PIBF1: variants seen among roughly 807,000 people sequenced by gnomAD.
PIBF1 encodes progesterone-induced-blocking factor 1.
A neutral mutation model predicts 112.5 loss-of-function variants in PIBF1; 90 were observed. That is an observed-to-expected ratio of 0.80 (90% CI 0.67 to 0.95). The LOEUF is 0.95. Among genes scored for constraint, PIBF1 ranks in the 40% least tolerant of loss-of-function variants. PIBF1 has a pLI of 0.00. For missense variants in PIBF1, 915 were observed against 852.3 expected (o/e 1.07, Z -0.92); for synonymous variants, 301 against 288.6 (o/e 1.04, Z -0.44).
intron 11 of PIBF1, chr13:72,901,043 A>G (rs773787292): frequency 1.1e-5 from 5 of 439,830 alleles, no homozygotes; most frequent in South Asian, 1.6e-5. Context: ...GCAAAAAACA[A>G]ACAAACAAAC....
At chr13:73,001,956 A>G (rs1160941882) in intron 17 of PIBF1, among the ~76,000 whole-genome samples, 1 of 151,998 alleles carries the variant, frequency 6.6e-6, no homozygotes. Context: ...ATATGTATAC[A>G]AATGTTTTAC....
rs113184664 is a variant in PIBF1, at chr13:72,831,570, C to T, written c.1097+3656C>T. ...GTTGTTCATTTTCCATGTAGTTGTACGCTTCTGAGTGAGTTTATTAATCCT... is the reference window on the plus strand; with the variant it reads ...GTTGTTCATTTTCCATGTAGTTGTATGCTTCTGAGTGAGTTTATTAATCCT... On this transcript the variant is annotated intron_variant, in intron 8 of 17. Coordinates refer to ENST00000326291, the MANE Select transcript of PIBF1 (RefSeq NM_006346.4). Among the ~76,000 whole-genome samples, 974 of 152,222 alleles carry T rather than the reference C, an allele frequency of 6.4e-3. 19 individuals are homozygous for T. The highest frequency in any genetic ancestry group is 0.022 in the African/African-American group (905 of 41,536).
chr13:72,908,577 G>C lies in PIBF1; in HGVS notation c.1535G>C (p.Arg512Pro). Residue 512 changes from arginine to proline, a missense_variant, in exon 12 of 18, where the codon CGC becomes CCC. Physicochemically the swap from Arg to Pro is moderately radical, Grantham distance 103. Coordinates refer to ENST00000326291, the MANE Select transcript of PIBF1 (RefSeq NM_006346.4). Reference sequence around the variant, plus strand: ...AGTCTCCAAGCCTCTTCTGAAAAACGCATTACTGAACTTCAAGCACAGAAC... The same window carrying C: ...AGTCTCCAAGCCTCTTCTGAAAAACCCATTACTGAACTTCAAGCACAGAAC... ...FYSLQASSEKRITELQAQNSE... is the reference protein window; with the variant it reads ...FYSLQASSEKPITELQAQNSE... 1.2e-6 allele frequency: 2 copies of C among 1,612,128 alleles called. No homozygotes were observed. Among genetic ancestry groups the C allele is most frequent in the Non-Finnish European group, 1.7e-6 (2 of 1,178,630 alleles).
At chr13:72,925,345 G>C (rs1018949842) in intron 13 of PIBF1, among the ~76,000 whole-genome samples, 30 of 152,046 alleles carry the variant, frequency 2.0e-4, no homozygotes, top group Admixed American at 2.0e-3. Flanking sequence ...AGAAACAGGA[G>C]ATATGAATGA....
At chr13:72,839,129 T>C (rs1390626601) in intron 9 of PIBF1, among the ~76,000 whole-genome samples, 1 of 152,204 alleles carries the variant, frequency 6.6e-6, no homozygotes, top group African/African-American at 2.4e-5. Context: ...TGGAATGGCA[T>C]AAGCCTGTTA....
At chr13:72,961,507 T>C (rs1251757377) in intron 14 of PIBF1, among the ~76,000 whole-genome samples, 1 of 152,206 alleles carries the variant, frequency 6.6e-6, no homozygotes, top group African/African-American at 2.4e-5. Context: ...AGTAAATCTT[T>C]AATGGAACTT....
intron 12 of PIBF1, among the ~76,000 whole-genome samples, chr13:72,909,195 A>T (rs1401274020): frequency 6.6e-6 from 1 of 152,212 alleles, no homozygotes; most frequent in African/African-American, 2.4e-5. Flanking sequence ...GTTAAATATG[A>T]TAGCTTTTAT....
chr13:72,872,397 T>C (rs1282332612), intron 10 of PIBF1, among the ~76,000 whole-genome samples: 1 of 152,150 alleles, frequency 6.6e-6, no homozygotes, highest in Admixed American at 6.5e-5. Flanking sequence ...TTAGGAATTG[T>C]ACTTGAAATG....
rs867989265 is a variant in PIBF1, at chr13:72,931,718, G to A, written c.1833+451G>A. ...CTTAGCCTTATGTCATTTAAACTAC[G>A]TATATATATATATATATATATATAT... On this transcript the variant is annotated intron_variant, in intron 14 of 17. Transcript: ENST00000326291. Among the ~76,000 whole-genome samples the A allele has an allele frequency of 1.0e-3, 104 of 101,948 alleles. 1 individual carries two copies. Among genetic ancestry groups the A allele is most frequent in the East Asian group, 4.1e-3 (10 of 2,454 alleles). 66.9% of individuals were successfully genotyped at this position (101,948 alleles called of 152,430 possible).
chr13:72,866,189 C>CA (rs1434226468), intron 10 of PIBF1, among the ~76,000 whole-genome samples: 1 of 152,128 alleles, frequency 6.6e-6, no homozygotes, highest in Non-Finnish European at 1.5e-5. Context: ...ACGGCACACT[C>CA]AGATAATTCA....
intron 5 of PIBF1, among the ~76,000 whole-genome samples, chr13:72,803,263 T>A (rs887584644): frequency 1.5e-5 from 2 of 131,786 alleles, no homozygotes; most frequent in African/African-American, 3.5e-5. Context: ...TGTTTTTTGT[T>A]TTTTGTTTTT....
chr13:73,005,519 T>C (rs1418117192), intron 17 of PIBF1, among the ~76,000 whole-genome samples: 1 of 151,602 alleles, frequency 6.6e-6, no homozygotes, highest in East Asian at 1.9e-4. Flanking sequence ...AAAAATAAAT[T>C]TAAATTTTTA....
At chr13:72,837,827 T>C (rs2037428227) in intron 9 of PIBF1, among the ~76,000 whole-genome samples, 1 of 152,228 alleles carries the variant, frequency 6.6e-6, no homozygotes, top group African/African-American at 2.4e-5. Context: ...CTTATGATTT[T>C]AAGATTCATT....
At position 72,998,989 on chromosome 13, in the gene PIBF1, A is replaced by T; in HGVS notation, c.2217A>T (p.Thr739=). The change falls in exon 17 of 18, where the codon ACA becomes ACT. Residue 739 remains threonine, a synonymous_variant. Transcript: ENST00000326291. ...ACAATATATTTACACCTAAACCAAC[A>T]CTCTTTGTAAGTACAATTTTTAAAA... is the stretch of plus-strand genomic sequence containing the variant. The part of the protein sequence containing the change: ...HEDNIFTPKP[T]LFTKKEAPEW... 1.9e-6 allele frequency: 3 copies of T among 1,556,862 alleles called. No homozygotes were observed. Among genetic ancestry groups the T allele is most frequent in the South Asian group, 1.2e-5 (1 of 83,456 alleles).
At chr13:72,883,548 A>G (rs1364780983) in intron 10 of PIBF1, among the ~76,000 whole-genome samples, 3 of 152,146 alleles carry the variant, frequency 2.0e-5, no homozygotes, top group Non-Finnish European at 2.9e-5. Flanking sequence ...GTGTAGTGAC[A>G]TGATCTCTGC....
intron 10 of PIBF1, among the ~76,000 whole-genome samples, chr13:72,880,683 T>C (rs975533154): frequency 6.6e-6 from 1 of 152,168 alleles, no homozygotes; most frequent in Non-Finnish European, 1.5e-5. Flanking sequence ...AAATAAAATT[T>C]GAAACTATAA....
intron 10 of PIBF1, among the ~76,000 whole-genome samples, chr13:72,869,807 CCA>C (rs147744832): frequency 2.0e-5 from 3 of 150,944 alleles, no homozygotes; most frequent in Admixed American, 6.6e-5. Context: ...CCCCCCACCT[CCA>C]CACACACACA....
intron 2 of PIBF1, among the ~76,000 whole-genome samples, chr13:72,784,153 G>A (rs551714753): frequency 2.0e-5 from 3 of 151,734 alleles, no homozygotes; most frequent in Non-Finnish European, 4.4e-5. Context: ...CACAATGTAC[G>A]TATACTTCAA....
intron 17 of PIBF1, among the ~76,000 whole-genome samples, chr13:73,009,314 G>A (rs2044128367): frequency 6.6e-6 from 1 of 152,144 alleles, no homozygotes; most frequent in Admixed American, 6.6e-5. Context: ...TTGCTTTACT[G>A]ATAAAATCAG....
Sources: allele counts gnomAD v4.1 joint callset (sites outside exome capture counted in the v4.1 genomes callset), GRCh38; gene constraint gnomAD v4.1.1; transcripts MANE v1.5; gene names NCBI Gene and HGNC (gene_info 2026-07-23, HGNC 2026-07-21).